Variants in SH3KBP1 observed in about 807,000 individuals in gnomAD.
SH3KBP1 encodes the protein SH3 domain-containing kinase-binding protein 1.
Under a neutral mutation model 50.1 loss-of-function variants are expected in SH3KBP1, and 8 were observed. That is an observed-to-expected ratio of 0.16 (90% CI 0.09 to 0.29). The LOEUF is 0.29. Ranked by LOEUF, SH3KBP1 falls within the 10% of genes least tolerant of loss-of-function variation. The probability of loss-of-function intolerance (pLI) is 1.00; values close to 1 mark genes in which losing one functional copy is unlikely to be tolerated. For synonymous variants in SH3KBP1, 227 were observed against 218.6 expected, an observed-to-expected ratio of 1.04 and a Z score of -0.34; for missense variants, 377 against 535.2, an observed-to-expected ratio of 0.70 and a Z score of 2.92.
At position 19,569,015 on chromosome X, in the gene SH3KBP1, C is replaced by T. The variant is rs1021735948; in HGVS notation, c.1384+88G>A. On this transcript the variant is annotated intron_variant, in intron 13 of 17. Coordinates refer to ENST00000397821, the MANE Select transcript of SH3KBP1 (RefSeq NM_031892.3). ...GCCTGGCATTTCAATGGCTTTATTA[C>T]TTCTCATCATGCTGGTTGAAGGCAA... is the stretch of plus-strand genomic sequence containing the variant. The T allele has an allele frequency of 9.0e-5, 73 of 808,678 alleles. No homozygotes were observed. In the East Asian group the frequency reaches 2.0e-3, roughly 23 times the overall value. 66.6% of individuals were successfully genotyped at this position (808,678 alleles called of 1,213,427 possible).
rs2064676182 is a variant in SH3KBP1, at chrX:19,535,189, G to A, written c.*1228C>T. 2 of 285,790 alleles carry A rather than the reference G, an allele frequency of 7.0e-6. No individual in the cohort carries two copies. Among genetic ancestry groups the A allele is most frequent in the Admixed American group, 6.3e-5 (1 of 15,857 alleles). 23.6% of individuals were successfully genotyped at this position (285,790 alleles called of 1,213,427 possible). On this transcript the variant is annotated 3_prime_UTR_variant, in exon 18 of 18. Transcript: ENST00000397821. ...TGTTCATGTACTACAAAGATAAAGC[G>A]GACAGGCAAACATCAGTTTCCTTGG...
intron 2 of SH3KBP1, among the ~76,000 whole-genome samples, chrX:19,827,469 C>G (rs1359600549): frequency 8.9e-6 from 1 of 111,863 alleles, no homozygotes; most frequent in Admixed American, 9.5e-5. Flanking sequence ...CAAATGTCCC[C>G]TAAAAGAGCA....
At chrX:19,722,585 T>TG (rs1273794036) in intron 3 of SH3KBP1, among the ~76,000 whole-genome samples, 1 of 104,922 alleles carries the variant, frequency 9.5e-6, no homozygotes, top group African/African-American at 3.6e-5. Flanking sequence ...TGTGTGTGTG[T>TG]GTGTGTGTGT....
chrX:19,745,973 C>A lies in SH3KBP1; in HGVS notation c.286+345G>T, dbSNP rs944113824. Among the ~76,000 whole-genome samples, 8 of 112,241 alleles carry A rather than the reference C, an allele frequency of 7.1e-5. No homozygotes were observed. The Admixed American group carries it at 7.5e-4, about 11-fold the overall frequency. On this transcript the variant is annotated intron_variant, in intron 3 of 17. Transcript: ENST00000397821. ...TTTGCCTTAAATTAAAGGGAGAGTG[C>A]GGTCAGACACACGGCTCAGGCCTGC...
intron 8 of SH3KBP1, among the ~76,000 whole-genome samples, chrX:19,614,899 G>A (rs1011394525): frequency 1.8e-5 from 2 of 111,659 alleles, no homozygotes; most frequent in African/African-American, 3.3e-5. Flanking sequence ...AATTCCTGCC[G>A]TAGTGCCCGG....
chrX:19,882,850 T>C (rs2069478938), intron 1 of SH3KBP1, among the ~76,000 whole-genome samples: 1 of 112,031 alleles, frequency 8.9e-6, no homozygotes, highest in Non-Finnish European at 1.9e-5. Context: ...ATCGGCTGCC[T>C]AGTGTCACTA....
At chrX:19,882,229 G>T (rs764966430) in intron 1 of SH3KBP1, among the ~76,000 whole-genome samples, 25 of 111,591 alleles carry the variant, frequency 2.2e-4, no homozygotes, top group Non-Finnish European at 4.7e-4. Flanking sequence ...CCACAGGGCA[G>T]TGTAGTGGTC....
At chrX:19,836,479 G>A (rs956207114) in intron 1 of SH3KBP1, among the ~76,000 whole-genome samples, 197 bp from the exon 2 acceptor site, 5 of 112,005 alleles carry the variant, frequency 4.5e-5, no homozygotes, top group Middle Eastern at 8.4e-3. Context: ...GTGCTGGTCC[G>A]TGGTCAGGCA....
At chrX:19,608,132 C>T in intron 8 of SH3KBP1, 87 bp from the exon 9 acceptor site, 1 of 762,161 alleles carries the variant, frequency 1.3e-6, no homozygotes, top group Non-Finnish European at 1.9e-6. Flanking sequence ...AATGGAGGCC[C>T]TTTCCTGGAG....
At chrX:19,802,764 CT>C (rs781012724) in intron 2 of SH3KBP1, among the ~76,000 whole-genome samples, 76 of 111,440 alleles carry the variant, frequency 6.8e-4, no homozygotes, top group African/African-American at 2.4e-3. Context: ...CCTTAGCGTA[CT>C]GGGCACGCAC....
intron 5 of SH3KBP1, among the ~76,000 whole-genome samples, chrX:19,691,290 C>T (rs1025738018): frequency 9.6e-6 from 1 of 104,397 alleles, no homozygotes; most frequent in Non-Finnish European, 1.9e-5. Context: ...GGTTTACTCT[C>T]GCACGCACGC....
chrX:19,754,906 T>A (rs960361356), intron 2 of SH3KBP1, among the ~76,000 whole-genome samples: 1 of 112,236 alleles, frequency 8.9e-6, no homozygotes, highest in Non-Finnish European at 1.9e-5. Context: ...CAAGTAATAC[T>A]TATTTCTTTA....
intron 12 of SH3KBP1, among the ~76,000 whole-genome samples, chrX:19,576,110 T>G (rs113733845): frequency 0.024 from 2,646 of 112,257 alleles, 69 homozygotes; most frequent in African/African-American, 0.081. Flanking sequence ...AAAGTTGCCC[T>G]TACTTGTTTC....
intron 2 of SH3KBP1, among the ~76,000 whole-genome samples, chrX:19,825,194 C>T (rs931821725): frequency 8.9e-6 from 1 of 111,889 alleles, no homozygotes; most frequent in Non-Finnish European, 1.9e-5. Context: ...TCCCTAATTG[C>T]CTTAATTTCA....
intron 6 of SH3KBP1, among the ~76,000 whole-genome samples, chrX:19,658,534 G>C (rs1033235246): frequency 6.3e-5 from 7 of 111,503 alleles, no homozygotes; most frequent in Admixed American, 9.5e-5. Context: ...CATTACATCA[G>C]GTTACTTAAA....
intron 6 of SH3KBP1, among the ~76,000 whole-genome samples, chrX:19,655,384 C>T (rs1279512596): frequency 2.7e-5 from 3 of 111,589 alleles, no homozygotes; most frequent in African/African-American, 9.8e-5. Context: ...AGCAGAAGCA[C>T]TATTCACAAT....
intron 3 of SH3KBP1, among the ~76,000 whole-genome samples, chrX:19,717,192 TCAGCTGA>T (rs1286875509): frequency 9.0e-6 from 1 of 111,542 alleles, no homozygotes; most frequent in African/African-American, 3.3e-5. Flanking sequence ...CAAACAATTG[TCAGCTGA>T]CATGCCTGTT....
At position 19,658,720 on chromosome X, in the gene SH3KBP1, G is replaced by A. The variant is rs375104381; in HGVS notation, c.727-13245C>T. Among the ~76,000 whole-genome samples the A allele has an allele frequency of 3.8e-4, 42 of 109,604 alleles. 2 individuals are homozygous for A. The East Asian group carries it at 8.4e-3, about 22-fold the overall frequency. The stretch of plus-strand genomic sequence containing the variant: ...GCTGCAGGCATCCACCACCACGCCC[G>A]GCTAATTTTTGTATTTTTAGTAGAG... On this transcript the variant is annotated intron_variant, in intron 6 of 17. Transcript: ENST00000397821.
chrX:19,750,064 A>AT (rs1206365254), intron 2 of SH3KBP1, among the ~76,000 whole-genome samples: 5 of 105,689 alleles, frequency 4.7e-5, no homozygotes, highest in Admixed American at 1.0e-4. Context: ...CATCTCTCTC[A>AT]TTTTTTTTTT....
Sources: gnomAD v4.1 joint callset for allele counts (sites outside exome capture counted in the v4.1 genomes callset) on GRCh38, gnomAD v4.1.1 for gene constraint, MANE v1.5 for transcripts, NCBI Gene and HGNC (gene_info 2026-07-23, HGNC 2026-07-21) for gene names.